POU5F1: variants seen among roughly 807,000 people sequenced by gnomAD.
POU5F1 encodes POU domain, class 5, transcription factor 1.
In POU5F1, 6 loss-of-function variants were observed where a neutral mutation model predicts 38.3. The ratio of observed to expected loss-of-function variants is 0.16; its 90% CI spans 0.09 to 0.31. The LOEUF (loss-of-function observed/expected upper bound fraction) is 0.31, where lower values mean the gene tolerates loss of function less well. Among genes scored for constraint, POU5F1 ranks in the 10% least tolerant of loss-of-function variants. The probability of loss-of-function intolerance (pLI) is 1.00; values close to 1 mark genes in which losing one functional copy is unlikely to be tolerated. For synonymous variants in POU5F1, 147 were observed against 194.9 expected, an observed-to-expected ratio of 0.75 and a Z score of 2.05; for missense variants, 286 against 462.6, an observed-to-expected ratio of 0.62 and a Z score of 3.50.
At chr6:31,166,937 T>G in intron 1 of POU5F1, 1 of 1,137,100 alleles carries the variant, frequency 8.8e-7, no homozygotes, top group Non-Finnish European at 1.1e-6. Flanking sequence ...GTGCTTTGTG[T>G]GTACTTACTC....
intron 1 of POU5F1, among the ~76,000 whole-genome samples, chr6:31,168,768 G>T (rs181077382): frequency 3.9e-5 from 6 of 152,288 alleles, no homozygotes; most frequent in Admixed American, 3.9e-4. Flanking sequence ...GACAGAAAAC[G>T]CGGTAGTCAT....
At chr6:31,169,275 G>A (rs1012751968) in intron 1 of POU5F1, among the ~76,000 whole-genome samples, 2 of 152,166 alleles carry the variant, frequency 1.3e-5, no homozygotes, top group African/African-American at 4.8e-5. Context: ...GCTCAGCAGT[G>A]ACCTCCTGCG....
At chr6:31,164,987 G>GA in intron 4 of POU5F1, 120 bp from the exon 5 acceptor site, 1 of 1,547,902 alleles carries the variant, frequency 6.5e-7, no homozygotes. Flanking sequence ...GGACATTAGA[G>GA]AATGAGCTGA....
At chr6:31,166,529 C>T (rs1483285873) in intron 1 of POU5F1, 17 of 1,008,174 alleles carry the variant, frequency 1.7e-5, no homozygotes, top group Middle Eastern at 3.8e-4. Flanking sequence ...CACGGTGGCA[C>T]GCACCTGTAA....
chr6:31,170,116 C>T (rs1013002580), intron 1 of POU5F1, 100 bp downstream of exon 1: 1 of 1,594,238 alleles, frequency 6.3e-7, no homozygotes, highest in Non-Finnish European at 8.6e-7. Flanking sequence ...TGCTCCTCTC[C>T]TGGGTGCCAG....
At chr6:31,167,821 C>G (rs1350466139) in intron 1 of POU5F1, among the ~76,000 whole-genome samples, 2 of 152,118 alleles carry the variant, frequency 1.3e-5, no homozygotes, top group African/African-American at 4.8e-5. Context: ...GAGCAAAGGA[C>G]AAGAGTCTAA....
At chr6:31,167,048 T>TA in intron 1 of POU5F1, 2 of 579,940 alleles carry the variant, frequency 3.4e-6, no homozygotes, top group Non-Finnish European at 6.3e-6. Context: ...GCACCTTCTA[T>TA]AAGCCAGCGG....
chr6:31,165,792 G>A lies in POU5F1; in HGVS notation c.527-91C>T. On this transcript the variant is annotated intron_variant, in intron 2 of 4. Transcript: ENST00000259915. The surrounding 1 kb of genome is among the most constrained non-coding windows in gnomAD (Gnocchi z 6.5). Reference sequence around the variant, plus strand: ...TCCAAGCTTACCACCTCTTCCCAGAGGGAGCTCAAAGCATCTTCTCCCTCT... The same window carrying A: ...TCCAAGCTTACCACCTCTTCCCAGAAGGAGCTCAAAGCATCTTCTCCCTCT... 4.0e-6 allele frequency: 6 copies of A among 1,503,256 alleles called. No individual in the cohort carries two copies. The highest frequency in any genetic ancestry group is 4.4e-6 in the Non-Finnish European group (5 of 1,125,236). 93.1% of individuals were successfully genotyped at this position (1,503,256 alleles called of 1,614,324 possible).
upstream of POU5F1, chr6:31,170,682 CAA>C: frequency 6.7e-7 from 1 of 1,485,982 alleles, no homozygotes; most frequent in South Asian, 1.4e-5. Context: ...AGGGACTACT[CAA>C]CCCCTCTCTC....
intron 1 of POU5F1, among the ~76,000 whole-genome samples, chr6:31,167,355 G>A (rs1480565944): frequency 1.3e-5 from 2 of 151,466 alleles, no homozygotes; most frequent in South Asian, 2.1e-4. Context: ...AGTGAGACCC[G>A]TGCCGCCCCT....
At position 31,170,359 on chromosome 6, in the gene POU5F1, C is replaced by T. The variant is rs774304660; in HGVS notation, c.262G>A (p.Gly88Ser). ...TCAGGCTGAGAGGTCTCCAAGCCGC[C>T]TTGGGGCACTAGCCCCACTCCAACC... ...PQVGVGLVPQ[G>S]GLETSQPEGE... is the part of the protein sequence containing the mutation. The change falls in exon 1 of 5, where the codon GGC becomes AGC. Residue 88 changes from glycine to serine, a missense_variant. Around this residue, in one of 2 missense-constraint regions of POU5F1, gnomAD observed 176 missense variants for 184.8 expected, o/e 0.95. Coordinates refer to ENST00000259915, the MANE Select transcript of POU5F1 (RefSeq NM_002701.6). The T allele has an allele frequency of 2.1e-5, 34 of 1,612,748 alleles. No individual in the cohort carries two copies. The South Asian group carries it at 2.9e-4, about 14-fold the overall frequency.
Position 31,165,347 on chromosome 6 carries a change from C to G in POU5F1, c.658-61G>C. The G allele has an allele frequency of 1.3e-6, 2 of 1,584,904 alleles. No individual in the cohort carries two copies. The highest frequency in any genetic ancestry group is 1.7e-6 in the Non-Finnish European group (2 of 1,163,938). On this transcript the variant is annotated intron_variant, in intron 3 of 4. Transcript: ENST00000259915. This position sits in a 1 kb window ranked among gnomAD's most constrained non-coding sequence, Gnocchi z 6.5. Reference sequence around the variant, plus strand: ...TTGGACTTGCTGAGTAACAGCATCACAGGGGTCTGTGACTAGATGTGTCAG... The same window carrying G: ...TTGGACTTGCTGAGTAACAGCATCAGAGGGGTCTGTGACTAGATGTGTCAG...
At position 31,170,432 on chromosome 6, in the gene POU5F1, G is replaced by A. The variant is rs1777580891; in HGVS notation, c.189C>T (p.Cys63=). The change falls in exon 1 of 5, where the codon TGC becomes TGT. Residue 63 remains cysteine (C), a synonymous_variant. Transcript: ENST00000259915. ...PGSEVWGIPP[C]PPPYEFCGGM... ...CCCCACAGAACTCATACGGCGGGGG[G>A]CATGGGGGAATCCCCCACACCTCAG... The A allele has an allele frequency of 6.2e-7, 1 of 1,611,492 alleles. No individual in the cohort carries two copies. Among genetic ancestry groups the A allele is most frequent in the Non-Finnish European group, 8.5e-7 (1 of 1,179,494 alleles).
Position 31,165,920 on chromosome 6 carries a change from A to T in POU5F1, c.526+7T>A. ...GATGCGGTCAGAATCTGCAGAGGGG[A>T]ACCCACCAAATAGAACCCCCAGGGT... On this transcript the variant is annotated splice_region_variant and intron_variant, in intron 2 of 4. Coordinates refer to ENST00000259915, the MANE Select transcript of POU5F1 (RefSeq NM_002701.6). This position sits in a 1 kb window ranked among gnomAD's most constrained non-coding sequence, Gnocchi z 6.5. The T allele has an allele frequency of 6.2e-7, 1 of 1,614,010 alleles. No homozygotes were observed. The highest frequency in any genetic ancestry group is 8.5e-7 in the Non-Finnish European group (1 of 1,179,982).
At position 31,166,755 on chromosome 6, in the gene POU5F1, A is replaced by G. The variant is rs3757349; in HGVS notation, c.406-708T>C. ...TTAAGGATGTTTTGAGATTAGAGAAATAGATAAGCTGCTAAGTTCTGGGTT... is the reference window on the plus strand; with the variant it reads ...TTAAGGATGTTTTGAGATTAGAGAAGTAGATAAGCTGCTAAGTTCTGGGTT... On this transcript the variant is annotated intron_variant, in intron 1 of 4. Coordinates refer to ENST00000259915, the MANE Select transcript of POU5F1 (RefSeq NM_002701.6). The G allele has an allele frequency of 3.7e-3, 4,410 of 1,179,066 alleles. 177 individuals carry two copies. The East Asian group carries it at 0.092, about 25-fold the overall frequency. 73.0% of individuals were successfully genotyped at this position (1,179,066 alleles called of 1,614,324 possible). A position where few individuals can be genotyped will look rare whatever the true frequency, so the allele number is the denominator to read the frequency against.
intron 1 of POU5F1, chr6:31,166,805 C>A: frequency 8.4e-7 from 1 of 1,184,486 alleles, no homozygotes; most frequent in Non-Finnish European, 1.1e-6. Flanking sequence ...AGCATCATGT[C>A]TCAGAAGCTA....
chr6:31,165,283 A>G lies in POU5F1; in HGVS notation c.661T>C (p.Cys221Arg), dbSNP rs1441261772. Reference protein sequence around the residue: ...ADNNENLQEICKAETLVQARK... With the variant: ...ADNNENLQEIRKAETLVQARK... The stretch of plus-strand genomic sequence containing the variant: ...GCCTGCACGAGGGTTTCTGCTTTGC[A>G]TATCTGTGCAGGTGGGAAGGGGGTG... The change falls in exon 4 of 5, where the codon TGC (cysteine) becomes CGC (arginine). Residue 221 changes from cysteine (C) to arginine (R), a missense_variant. By Grantham distance (180) the Cys-to-Arg change is radical. Around this residue, in one of 2 missense-constraint regions of POU5F1, gnomAD observed 110 missense variants for 277.8 expected, o/e 0.40. Transcript: ENST00000259915. The surrounding 1 kb of genome is among the most constrained non-coding windows in gnomAD (Gnocchi z 6.5). 3.1e-6 allele frequency: 5 copies of G among 1,609,964 alleles called. No homozygotes were observed. The South Asian group carries it at 3.3e-5, about 11-fold the overall frequency.
intron 1 of POU5F1, among the ~76,000 whole-genome samples, chr6:31,167,689 CAG>C (rs149090708): frequency 0.087 from 13,023 of 150,486 alleles, 653 homozygotes; most frequent in Middle Eastern, 0.16. Context: ...GCCTGAGGGA[CAG>C]AGTGAGACTC....
rs1554136977 is a variant in POU5F1, at chr6:31,170,548, GC to G, written c.72del (p.Pro25ArgfsTer12). The G allele has an allele frequency of 6.4e-7, 1 of 1,570,414 alleles. No homozygotes were observed. Among genetic ancestry groups the G allele is most frequent in the East Asian group, 2.3e-5 (1 of 42,596 alleles). Reference sequence around the variant, plus strand: ...CGAGGATCAACCCAGCCCGGCTCCGGCCCCCCTGGCCCATCACCTCCACCAC... The same window carrying G: ...CGAGGATCAACCCAGCCCGGCTCCGGCCCCCTGGCCCATCACCTCCACCAC... ...PPGGGGDGPG[G>X]PEPGWVDPRT... On this transcript the variant is annotated frameshift_variant, in exon 1 of 5. Transcript: ENST00000259915. LOFTEE classifies it high-confidence loss of function.
Sources: gnomAD v4.1 joint callset for allele counts (sites outside exome capture counted in the v4.1 genomes callset) on GRCh38, gnomAD v4.1.1 for gene constraint, gnomAD v4.1.1 regional missense constraint, Gnocchi (gnomAD v3.1) non-coding constraint, MANE v1.5 for transcripts, NCBI Gene and HGNC (gene_info 2026-07-23, HGNC 2026-07-21) for gene names.